Variants in CEP290 observed in about 807,000 individuals in gnomAD.
CEP290 encodes centrosomal protein of 290 kDa.
A neutral mutation model predicts 344.9 loss-of-function variants in CEP290; 317 were observed. The ratio of observed to expected loss-of-function variants is 0.92; its 90% CI spans 0.84 to 1.01. The LOEUF is 1.01. CEP290 is among the 50% of genes least tolerant of loss of function. The probability of loss-of-function intolerance (pLI) is 0.00; values close to 1 mark genes in which losing one functional copy is unlikely to be tolerated. For synonymous variants in CEP290, 932 were observed against 895.8 expected, an observed-to-expected ratio of 1.04 and a Z score of -0.72; for missense variants, 2,754 against 2,761.4, an observed-to-expected ratio of 1.00 and a Z score of 0.06.
chr12:88,112,413 C>T (rs1220461081), intron 20 of CEP290, among the ~76,000 whole-genome samples: 1 of 151,938 alleles, frequency 6.6e-6, no homozygotes, highest in East Asian at 1.9e-4. Context: ...ATAGTTGAAG[C>T]ATAAATAAAA....
At position 88,126,419 on chromosome 12, in the gene CEP290, T is replaced by C. The variant is rs759074453; in HGVS notation, c.962A>G (p.Asp321Gly). ...TTGCTGATACTCAATAATTTCATCATCTTTAGAAGACAAAATTAGCTAGAA... is the reference window on the plus strand; with the variant it reads ...TTGCTGATACTCAATAATTTCATCACCTTTAGAAGACAAAATTAGCTAGAA... ...EEWKLILSSK[D>G]DEIIEYQQML... The change falls in exon 12 of 54, where the codon GAT becomes GGT. Residue 321 changes from aspartate to glycine, a missense_variant. Transcript: ENST00000552810. 26 of 1,505,932 alleles carry C rather than the reference T, an allele frequency of 1.7e-5. No individual in the cohort carries two copies. The highest frequency in any genetic ancestry group is 2.3e-5 in the Non-Finnish European group (26 of 1,132,468). The allele number at this position is 1,505,932 out of a possible 1,614,324, so 93.3% of individuals were successfully genotyped here. A position where few individuals can be genotyped will look rare whatever the true frequency, so the allele number is the denominator to read the frequency against.
intron 6 of CEP290, chr12:88,136,039 G>T (rs1160588555): frequency 6.6e-6 from 1 of 151,968 alleles, no homozygotes; most frequent in African/African-American, 2.4e-5. Context: ...AACACTGCAA[G>T]AATTATTAGT....
At chr12:88,070,194 A>G (rs535108987) in intron 43 of CEP290, among the ~76,000 whole-genome samples, 80 of 152,326 alleles carry the variant, frequency 5.3e-4, no homozygotes, top group Admixed American at 1.4e-3. Flanking sequence ...AATACATTCA[A>G]TCTTCTCTCT....
At chr12:88,084,525 A>G in intron 35 of CEP290, 61 bp downstream of exon 35, 13 of 1,317,700 alleles carry the variant, frequency 9.9e-6, no homozygotes, top group Non-Finnish European at 1.4e-5. Flanking sequence ...GTAAAATAAT[A>G]TTTAGCATTT....
chr12:88,093,864 C>T lies in CEP290; in HGVS notation c.3215G>A (p.Arg1072Gln), dbSNP rs1298561837. The T allele has an allele frequency of 5.6e-6, 9 of 1,612,698 alleles. No individual in the cohort carries two copies. The highest frequency in any genetic ancestry group is 3.3e-5 in the South Asian group (3 of 90,970). The change falls in exon 28 of 54, where the codon CGG becomes CAG. Residue 1072 changes from arginine (R) to glutamine (Q), a missense_variant. Arg to Gln is a conservative substitution (Grantham distance 43). Coordinates refer to ENST00000552810, the MANE Select transcript of CEP290 (RefSeq NM_025114.4). ...LEMKELNERQ[R>Q]AEHCQKMYEH... ...ATACATTTTTTGACAATGTTCAGCC[C>T]GCTGCCTTTCATTTAATTCCTTCAT...
At chr12:88,064,466 G>A (rs1412244206) in intron 44 of CEP290, among the ~76,000 whole-genome samples, 3 of 152,074 alleles carry the variant, frequency 2.0e-5, no homozygotes, top group African/African-American at 7.2e-5. Context: ...GGGTTGAACT[G>A]TGTTCCCCTT....
Position 88,087,817 on chromosome 12 carries a change from A to C in CEP290, c.4157T>G (p.Ile1386Ser). 2 of 1,286,906 alleles carry C rather than the reference A, an allele frequency of 1.6e-6. No homozygotes were observed. The highest frequency in any genetic ancestry group is 2.0e-6 in the Non-Finnish European group (2 of 999,264). 79.7% of individuals were successfully genotyped at this position (1,286,906 alleles called of 1,614,324 possible). The change falls in exon 32 of 54, where the codon ATC becomes AGC. Residue 1386 changes from isoleucine (I) to serine (S), a missense_variant. Ile to Ser is a moderately radical substitution (Grantham distance 142). Coordinates refer to ENST00000552810, the MANE Select transcript of CEP290 (RefSeq NM_025114.4). ...NNIISEYERT[I>S]SSLEEEIVQQ... ...CACAATTTCTTCTTCAAGACTGCTG[A>C]TTGTACGTTCATATTCAGAAATTAT...
chr12:88,053,248 T>C (rs1381548776), intron 52 of CEP290, among the ~76,000 whole-genome samples: 1 of 151,898 alleles, frequency 6.6e-6, no homozygotes, highest in African/African-American at 2.4e-5. Context: ...AGCAGAAAGA[T>C]TTTCTTTTTA....
chr12:88,071,778 C>A lies in CEP290; in HGVS notation c.5855+3G>T, dbSNP rs1371290544. 2 of 1,584,156 alleles carry A rather than the reference C, an allele frequency of 1.3e-6. No homozygotes were observed. The highest frequency in any genetic ancestry group is 8.6e-7 in the Non-Finnish European group (1 of 1,168,346). On this transcript the variant is annotated splice_donor_region_variant and intron_variant, in intron 42 of 53. Transcript: ENST00000552810. ...TTAGTTTTATAATGATATTTAAACT[C>A]ACTTGGCAAAAAGATCCTTCAAAGT... is the stretch of plus-strand genomic sequence containing the variant.
At position 88,107,115 on chromosome 12, in the gene CEP290, A is replaced by G; in HGVS notation, c.2484-17T>C. On this transcript the variant is annotated splice_polypyrimidine_tract_variant and intron_variant, in intron 23 of 53. Transcript: ENST00000552810. ...TCCTTTTCACTAAAAACAAAACAAA[A>G]CAAAAAGACAATACTGTAAACCTAA... is the stretch of plus-strand genomic sequence containing the variant. 2 of 1,383,502 alleles carry G rather than the reference A, an allele frequency of 1.4e-6. No individual in the cohort carries two copies. The highest frequency in any genetic ancestry group is 1.3e-5 in the South Asian group (1 of 74,078). 85.7% of individuals were successfully genotyped at this position (1,383,502 alleles called of 1,614,324 possible). A position where few individuals can be genotyped will look rare whatever the true frequency, so the allele number is the denominator to read the frequency against.
intron 44 of CEP290, among the ~76,000 whole-genome samples, chr12:88,065,581 T>G (rs1207019372): frequency 6.6e-6 from 1 of 152,186 alleles, no homozygotes; most frequent in Non-Finnish European, 1.5e-5. Context: ...ATCTGTGATT[T>G]CCTGTCCCTG....
intron 29 of CEP290, 135 bp downstream of exon 29, chr12:88,092,546 T>C (rs981879543): frequency 3.3e-5 from 21 of 628,460 alleles, no homozygotes; most frequent in Non-Finnish European, 4.8e-5. Flanking sequence ...ATCTTAATAT[T>C]ACTTAATCCT....
chr12:88,141,139 T>A, intron 2 of CEP290, 67 bp downstream of exon 2: 2 of 1,290,816 alleles, frequency 1.5e-6, no homozygotes, highest in Non-Finnish European at 2.1e-6. Context: ...AAAAATAAAT[T>A]CATATTTTAT....
Position 88,103,012 on chromosome 12 carries a change from C to T in CEP290, c.2818-1G>A, listed in dbSNP as rs1325201300. On this transcript the variant is annotated splice_acceptor_variant, in intron 25 of 53. Coordinates refer to ENST00000552810, the MANE Select transcript of CEP290 (RefSeq NM_025114.4). LOFTEE classifies it high-confidence loss of function. Reference sequence around the variant, plus strand: ...CTGCAATCTTGAAAATGGCCATTTCCTATGTAAATAAAGATACACTGAGTT... The same window carrying T: ...CTGCAATCTTGAAAATGGCCATTTCTTATGTAAATAAAGATACACTGAGTT... 1 of 1,533,068 alleles carries T rather than the reference C, an allele frequency of 6.5e-7. No homozygotes were observed. The highest frequency in any genetic ancestry group is 2.4e-5 in the East Asian group (1 of 40,994). 95.0% of individuals were successfully genotyped at this position (1,533,068 alleles called of 1,614,324 possible). A position where few individuals can be genotyped will look rare whatever the true frequency, so the allele number is the denominator to read the frequency against.
At chr12:88,108,925 A>G in intron 23 of CEP290, 141 bp downstream of exon 23, 1 of 444,498 alleles carries the variant, frequency 2.2e-6, no homozygotes, top group South Asian at 4.2e-5. Context: ...AGTTCCTAAC[A>G]GTAGTTACCA....
chr12:88,129,996 C>G, intron 9 of CEP290, 120 bp from the exon 10 acceptor site: 1 of 686,218 alleles, frequency 1.5e-6, no homozygotes, highest in Non-Finnish European at 2.3e-6. Context: ...TCTTTATAGA[C>G]CTTTACTAAT....
chr12:88,071,560 T>C, intron 42 of CEP290, 111 bp from the exon 43 acceptor site: 2 of 962,894 alleles, frequency 2.1e-6, no homozygotes, highest in Non-Finnish European at 3.0e-6. Flanking sequence ...ATATTTGTCA[T>C]AAGCTAATTT....
chr12:88,104,549 T>C (rs756448503), intron 25 of CEP290, among the ~76,000 whole-genome samples: 1 of 151,940 alleles, frequency 6.6e-6, no homozygotes, highest in Non-Finnish European at 1.5e-5. Flanking sequence ...TATATAAATA[T>C]TGTATATATT....
Position 88,133,001 on chromosome 12 carries a change from G to C in CEP290, c.442-1783C>G, listed in dbSNP as rs138705049. On this transcript the variant is annotated intron_variant, in intron 6 of 53. Coordinates refer to ENST00000552810, the MANE Select transcript of CEP290 (RefSeq NM_025114.4). ...ATGCAGTGTTTGGTTTTCTGTTCCT[G>C]TGTGAGTTTGCTGAGGATAATGGCT... Among the ~76,000 whole-genome samples the C allele has an allele frequency of 4.0e-3, 607 of 151,408 alleles. 6 individuals carry two copies. Among genetic ancestry groups the C allele is most frequent in the African/African-American group, 0.014 (569 of 41,232 alleles).
Sources: allele counts gnomAD v4.1 joint callset (sites outside exome capture counted in the v4.1 genomes callset), GRCh38; gene constraint gnomAD v4.1.1; transcripts MANE v1.5; gene names NCBI Gene and HGNC (gene_info 2026-07-23, HGNC 2026-07-21).